The following INPP5D variants were observed in gnomAD, a reference collection of about 807,000 sequenced individuals.
INPP5D encodes phosphatidylinositol 3,4,5-trisphosphate 5-phosphatase 1.
INPP5D carries 33 observed loss-of-function variants against 122.9 expected under a neutral mutation model. That is an observed-to-expected ratio of 0.27 (90% CI 0.20 to 0.36). The LOEUF is 0.36. Ranked by LOEUF, INPP5D falls within the 10% of genes least tolerant of loss-of-function variation. INPP5D has a pLI of 1.00. For synonymous variants in INPP5D, 584 were observed against 576.2 expected (o/e 1.01, Z -0.19); for missense variants, 1,053 against 1,412.7 (o/e 0.75, Z 4.08).
chr2:233,093,680 T>TG (rs1692047506), intron 2 of INPP5D, among the ~76,000 whole-genome samples: 1 of 123,566 alleles, frequency 8.1e-6, no homozygotes, highest in South Asian at 2.7e-4. Flanking sequence ...AGACACTGTC[T>TG]CCAAAAAAAA....
Position 233,065,686 on chromosome 2 carries a change from G to A in INPP5D, c.134+5074G>A, listed in dbSNP as rs539031815. On this transcript the variant is annotated intron_variant, in intron 1 of 26. Transcript: ENST00000445964. ...TTTTGAGACAGAGTCTCGCTCTGTC[G>A]CCCAGGCTAAAGTGCCATAGCATGA... Among the ~76,000 whole-genome samples the A allele has an allele frequency of 2.7e-3, 393 of 143,474 alleles. 11 individuals carry two copies. Among genetic ancestry groups the A allele is most frequent in the South Asian group, 4.5e-3 (20 of 4,490 alleles). The allele number at this position is 143,474 out of a possible 152,430, so 94.1% of individuals were successfully genotyped here.
intron 24 of INPP5D, among the ~76,000 whole-genome samples, chr2:233,196,225 C>G (rs775500744): frequency 1.3e-5 from 2 of 152,174 alleles, no homozygotes; most frequent in Non-Finnish European, 2.9e-5. Context: ...GAAAGAAGCT[C>G]CAGCCCAGGA....
At chr2:233,179,667 G>A (rs1197421589) in intron 18 of INPP5D, among the ~76,000 whole-genome samples, 1 of 152,178 alleles carries the variant, frequency 6.6e-6, no homozygotes, top group African/African-American at 2.4e-5. Context: ...GAAGATTAAA[G>A]ATACAGGGAA....
At chr2:233,118,459 C>T (rs1692869014) in intron 2 of INPP5D, among the ~76,000 whole-genome samples, 1 of 152,224 alleles carries the variant, frequency 6.6e-6, no homozygotes, top group Non-Finnish European at 1.5e-5. Context: ...TTCTTGGGCT[C>T]TGACTCTTTC....
At chr2:233,094,529 A>AAAAAAAT in intron 2 of INPP5D, among the ~76,000 whole-genome samples, 1 of 150,536 alleles carries the variant, frequency 6.6e-6, no homozygotes, top group East Asian at 1.9e-4. Context: ...AAAAAAAAAA[A>AAAAAAAT]AAAAAAAAAA....
Position 233,193,821 on chromosome 2 carries a change from G to A in INPP5D, c.2456G>A (p.Cys819Tyr), listed in dbSNP as rs1416819121. The A allele has an allele frequency of 1.2e-6, 2 of 1,613,848 alleles. No individual in the cohort carries two copies. The highest frequency in any genetic ancestry group is 1.7e-6 in the Non-Finnish European group (2 of 1,179,908). Residue 819 changes from cysteine to tyrosine, a missense_variant, in exon 23 of 27, where the codon TGC (cysteine) becomes TAC (tyrosine). By Grantham distance (194) the Cys-to-Tyr change is radical. This residue lies in a region of INPP5D where 258 missense variants were observed against 439.1 expected (regional missense o/e 0.59). Transcript: ENST00000445964. The part of the protein sequence containing the change: ...SDSDESYGEG[C>Y]IALRLEATET... ...CCCACTTTCCCTGCAGGCGAGGGCT[G>A]CATTGCCCTTCGGTTAGAGGCCACA...
chr2:233,152,891 A>G (rs1333609841), intron 9 of INPP5D, among the ~76,000 whole-genome samples: 2 of 152,200 alleles, frequency 1.3e-5, no homozygotes, highest in African/African-American at 4.8e-5. Flanking sequence ...ATTCCACTTC[A>G]AAAAGATAAC....
chr2:233,177,126 C>T lies in INPP5D; in HGVS notation c.1990-139C>T. ...GAGCCATGTGAAAAAAGTTTAAAGC[C>T]ACCTACAGGGAAATTCTATAAAAAG... On this transcript the variant is annotated intron_variant, in intron 17 of 26. Coordinates refer to ENST00000445964, the MANE Select transcript of INPP5D (RefSeq NM_001017915.3). This position sits in a 1 kb window ranked among gnomAD's most constrained non-coding sequence, Gnocchi z 4.2. 8.6e-7 allele frequency: 1 copy of T among 1,160,190 alleles called. No homozygotes were observed. Among genetic ancestry groups the T allele is most frequent in the Non-Finnish European group, 1.2e-6 (1 of 832,914 alleles). The allele number at this position is 1,160,190 out of a possible 1,614,324, so 71.9% of individuals were successfully genotyped here.
intron 1 of INPP5D, among the ~76,000 whole-genome samples, chr2:233,063,205 C>T (rs1691122960): frequency 6.6e-6 from 1 of 152,206 alleles, no homozygotes; most frequent in Admixed American, 6.5e-5. Flanking sequence ...CCTGGAGCCA[C>T]CCTGCTCTAG....
chr2:233,193,155 C>T (rs1375491484), intron 22 of INPP5D, among the ~76,000 whole-genome samples: 1 of 152,236 alleles, frequency 6.6e-6, no homozygotes, highest in Non-Finnish European at 1.5e-5. Flanking sequence ...TCCCAAAGTG[C>T]TGGGATTACA....
intron 8 of INPP5D, among the ~76,000 whole-genome samples, chr2:233,146,809 T>A (rs901955134): frequency 1.3e-5 from 2 of 152,138 alleles, no homozygotes; most frequent in African/African-American, 4.8e-5. Flanking sequence ...TCCTGTGATT[T>A]CCATGAGAAT....
At chr2:233,072,014 T>C (rs935849747) in intron 1 of INPP5D, among the ~76,000 whole-genome samples, 2 of 152,226 alleles carry the variant, frequency 1.3e-5, no homozygotes, top group Non-Finnish European at 1.5e-5. Context: ...TCATAACTTA[T>C]TGCATGGGCC....
At chr2:233,102,219 A>C (rs1692334594) in intron 2 of INPP5D, among the ~76,000 whole-genome samples, 1 of 152,230 alleles carries the variant, frequency 6.6e-6, no homozygotes, top group African/African-American at 2.4e-5. Flanking sequence ...AACATTAAAA[A>C]ATCGGAGATT....
At chr2:233,138,912 A>ATTTTTTTTTT (rs759201099) in intron 5 of INPP5D, among the ~76,000 whole-genome samples, 208 of 140,410 alleles carry the variant, frequency 1.5e-3, no homozygotes, top group African/African-American at 4.1e-3. Context: ...CACCTGGCTA[A>ATTTTTTTTTT]TTTTTTTTTT....
At chr2:233,124,593 C>T (rs1004366890) in intron 3 of INPP5D, among the ~76,000 whole-genome samples, 4 of 152,250 alleles carry the variant, frequency 2.6e-5, no homozygotes, top group South Asian at 2.1e-4. Context: ...TCACCAGCAC[C>T]GCGCCCTGGC....
chr2:233,078,384 C>A lies in INPP5D; in HGVS notation c.135-951C>A, dbSNP rs1013141398. ...AGAAGAGAATCTGGGATTCCTAGGA[C>A]CTTCTTGTTAGAAACAACCCCAAGA... is the stretch of plus-strand genomic sequence containing the variant. On this transcript the variant is annotated intron_variant, in intron 1 of 26. Coordinates refer to ENST00000445964, the MANE Select transcript of INPP5D (RefSeq NM_001017915.3). This position sits in a 1 kb window ranked among gnomAD's most constrained non-coding sequence, Gnocchi z 4.6. 6.6e-6 allele frequency among the ~76,000 whole-genome samples: 1 copy of A among 152,236 alleles called. No individual in the cohort carries two copies. The highest frequency in any genetic ancestry group is 2.4e-5 in the African/African-American group (1 of 41,458).
intron 2 of INPP5D, among the ~76,000 whole-genome samples, chr2:233,106,789 G>A (rs1487384180): frequency 6.6e-6 from 1 of 152,208 alleles, no homozygotes; most frequent in Non-Finnish European, 1.5e-5. Flanking sequence ...GTGGACCTGA[G>A]TTTCCCAGAT....
chr2:233,172,682 G>A (rs1259597477), intron 17 of INPP5D, among the ~76,000 whole-genome samples: 5 of 152,178 alleles, frequency 3.3e-5, no homozygotes, highest in East Asian at 3.8e-4. Context: ...GCGATGCGTC[G>A]CTTAACAACG....
In INPP5D at chr2:233,116,254, T is replaced by TAGATAGATAGATAG. The variant is rs10682867; in HGVS notation, c.199-5852_199-5851insGATAGATAGATAGA. The stretch of plus-strand genomic sequence containing the variant: ...ATAGATAGATAGATAGATAGATAGA[T>TAGATAGATAGATAG]ATAGATATAGATATAGATATAGATA... On this transcript the variant is annotated intron_variant, in intron 2 of 26. Transcript: ENST00000445964. Among the ~76,000 whole-genome samples the TAGATAGATAGATAG allele has an allele frequency of 8.3e-4, 80 of 96,040 alleles. 1 individual carries two copies. The highest frequency in any genetic ancestry group is 3.9e-3 in the African/African-American group (60 of 15,202). The allele number at this position is 96,040 out of a possible 152,430, so 63.0% of individuals were successfully genotyped here.
Sources: gnomAD v4.1 joint callset for allele counts (sites outside exome capture counted in the v4.1 genomes callset) on GRCh38, gnomAD v4.1.1 for gene constraint, gnomAD v4.1.1 regional missense constraint, Gnocchi (gnomAD v3.1) non-coding constraint, MANE v1.5 for transcripts, NCBI Gene and HGNC (gene_info 2026-07-23, HGNC 2026-07-21) for gene names.